Variants in ASB4 observed in about 807,000 individuals in gnomAD.
ASB4 encodes ankyrin repeat and SOCS box containing 4.
In ASB4, 35 loss-of-function variants were observed where a neutral mutation model predicts 38.6. The observed-to-expected ratio is 0.91, with a 90% CI of 0.69 to 1.20. The LOEUF (loss-of-function observed/expected upper bound fraction) is 1.20. Ranked by LOEUF, ASB4 falls within the 50% of genes most tolerant of loss-of-function variation. ASB4 has a pLI of 0.00. For synonymous variants in ASB4, 195 were observed against 201.3 expected, an observed-to-expected ratio of 0.97 and a Z score of 0.26; for missense variants, 557 against 527.2, an observed-to-expected ratio of 1.06 and a Z score of -0.55.
chr7:95,483,011 T>C (rs1790034346), upstream of ASB4, among the ~76,000 whole-genome samples: 2 of 152,224 alleles, frequency 1.3e-5, no homozygotes, highest in East Asian at 1.9e-4. Flanking sequence ...CCTAAGAAGA[T>C]GGCACAATAG....
rs1403597118 is a variant in ASB4, at chr7:95,515,355, C to T, written c.488-12458C>T. ...TTCCTTTCTTTCTTTCTTTCTTTTT[C>T]TTTCTTTCTTTTCTTTCTTTCTTTT... is the stretch of plus-strand genomic sequence containing the variant. On this transcript the variant is annotated intron_variant, in intron 2 of 4. Coordinates refer to ENST00000325885, the MANE Select transcript of ASB4 (RefSeq NM_016116.3). 2.8e-3 allele frequency among the ~76,000 whole-genome samples: 241 copies of T among 85,900 alleles called. 5 individuals carry two copies. The highest frequency in any genetic ancestry group is 1.6e-3 in the Non-Finnish European group (65 of 39,866). The allele number at this position is 85,900 out of a possible 152,430, so 56.4% of individuals were successfully genotyped here.
At chr7:95,535,751 C>A (rs1236232789) in intron 3 of ASB4, among the ~76,000 whole-genome samples, 2 of 152,154 alleles carry the variant, frequency 1.3e-5, no homozygotes, top group Non-Finnish European at 2.9e-5. Context: ...AATTTCATGT[C>A]ATCTTTCATT....
chr7:95,485,925 C>A, upstream of ASB4: 1 of 1,571,518 alleles, frequency 6.4e-7, no homozygotes, highest in African/African-American at 1.4e-5. Context: ...TTGCTCGGTG[C>A]TGTTCTCTCG....
downstream of ASB4, among the ~76,000 whole-genome samples, chr7:95,544,766 C>T (rs1791010746): frequency 1.3e-5 from 2 of 152,110 alleles, no homozygotes; most frequent in Non-Finnish European, 2.9e-5. Flanking sequence ...ACAATCTCGG[C>T]TCACTGCAAC....
intron 3 of ASB4, chr7:95,528,606 G>A (rs1325660656): frequency 7.3e-7 from 1 of 1,364,088 alleles, no homozygotes; most frequent in Non-Finnish European, 9.4e-7. Flanking sequence ...TGCCAGAAAG[G>A]TGAATAGTGT....
intron 2 of ASB4, among the ~76,000 whole-genome samples, chr7:95,503,731 C>T (rs1475533668): frequency 6.6e-6 from 1 of 152,142 alleles, no homozygotes; most frequent in Admixed American, 6.5e-5. Context: ...AGCTCAGGAC[C>T]ACAGAAGTCC....
chr7:95,529,182 T>C (rs116345752), intron 3 of ASB4, among the ~76,000 whole-genome samples: 1 of 152,310 alleles, frequency 6.6e-6, no homozygotes, highest in African/African-American at 2.4e-5. Context: ...TACAGAAATA[T>C]GGAAGAGAGT....
intron 2 of ASB4, among the ~76,000 whole-genome samples, chr7:95,512,441 G>C (rs1790496291): frequency 6.6e-6 from 1 of 152,148 alleles, no homozygotes; most frequent in African/African-American, 2.4e-5. Flanking sequence ...CTAGAAATGC[G>C]TTTCCCAAAG....
At chr7:95,537,335 G>A (rs150962920) in intron 4 of ASB4, among the ~76,000 whole-genome samples, 2 of 152,254 alleles carry the variant, frequency 1.3e-5, no homozygotes, top group African/African-American at 4.8e-5. Context: ...CTTCACACTT[G>A]CATATTTTAT....
chr7:95,532,969 T>C (rs891467938), intron 3 of ASB4, among the ~76,000 whole-genome samples: 1 of 152,234 alleles, frequency 6.6e-6, no homozygotes, highest in Non-Finnish European at 1.5e-5. Context: ...TGCTGTCTCA[T>C]GTTTCCTTTG....
upstream of ASB4, among the ~76,000 whole-genome samples, chr7:95,484,673 C>A (rs1046722238): frequency 3.3e-5 from 5 of 152,046 alleles, no homozygotes; most frequent in Admixed American, 3.3e-4. Context: ...AATTATTCTG[C>A]AGAAAGTTTG....
the ASB4 span, among the ~76,000 whole-genome samples, chr7:95,549,628 T>C: frequency 1.3e-5 from 2 of 152,086 alleles, no homozygotes; most frequent in African/African-American, 4.8e-5. Context: ...ATTTACGTTG[T>C]TCACAAGAAC....
chr7:95,537,818 C>G lies in ASB4; in HGVS notation c.*59C>G. ...TTTAAGTGGACTTGCTGGGTAGACA[C>G]AGTTTGCCTAAATAAAATGGTACTT... On this transcript the variant is annotated 3_prime_UTR_variant, in exon 5 of 5. Transcript: ENST00000325885. 1 of 1,461,356 alleles carries G rather than the reference C, an allele frequency of 6.8e-7. No homozygotes were observed. Among genetic ancestry groups the G allele is most frequent in the Non-Finnish European group, 9.4e-7 (1 of 1,067,412 alleles). 90.5% of individuals were successfully genotyped at this position (1,461,356 alleles called of 1,614,324 possible).
intron 2 of ASB4, among the ~76,000 whole-genome samples, chr7:95,503,091 A>G (rs192351191): frequency 6.4e-4 from 97 of 152,348 alleles, no homozygotes; most frequent in Admixed American, 2.7e-3. Context: ...TCAAAATAAT[A>G]TTTAAAATAT....
At chr7:95,519,277 C>G (rs1483525863) in intron 2 of ASB4, among the ~76,000 whole-genome samples, 6 of 152,120 alleles carry the variant, frequency 3.9e-5, no homozygotes. Flanking sequence ...GACAAAGAAG[C>G]AGACTTGAGA....
chr7:95,537,771 C>T lies in ASB4; in HGVS notation c.*12C>T. The T allele has an allele frequency of 1.2e-6, 2 of 1,606,744 alleles. No individual in the cohort carries two copies. The highest frequency in any genetic ancestry group is 1.7e-6 in the Non-Finnish European group (2 of 1,175,112). On this transcript the variant is annotated 3_prime_UTR_variant, in exon 5 of 5. Transcript: ENST00000325885. ...GAATTATTTATTAAGCCTTATGAGACAGCAGTTCCCAATCCTAGGTATTTA... is the reference window on the plus strand; with the variant it reads ...GAATTATTTATTAAGCCTTATGAGATAGCAGTTCCCAATCCTAGGTATTTA...
intron 3 of ASB4, among the ~76,000 whole-genome samples, chr7:95,535,637 A>C (rs557414998): frequency 6.6e-6 from 1 of 152,308 alleles, no homozygotes; most frequent in Non-Finnish European, 1.5e-5. Flanking sequence ...GTTAAAGCTA[A>C]ATCTTTCTAT....
intron 2 of ASB4, among the ~76,000 whole-genome samples, chr7:95,515,221 C>CTT (rs763779794): frequency 2.9e-4 from 32 of 111,784 alleles, no homozygotes; most frequent in African/African-American, 6.4e-4. Context: ...TTCTTTCTTT[C>CTT]TTTCTTTCTT....
intron 2 of ASB4, among the ~76,000 whole-genome samples, chr7:95,521,760 A>G (rs2116635087): frequency 6.6e-6 from 1 of 152,132 alleles, no homozygotes; most frequent in South Asian, 2.1e-4. Flanking sequence ...GTGAGATACA[A>G]TGTACGTAGT....
Sources: allele counts gnomAD v4.1 joint callset (sites outside exome capture counted in the v4.1 genomes callset), GRCh38; gene constraint gnomAD v4.1.1; transcripts MANE v1.5; gene names NCBI Gene and HGNC (gene_info 2026-07-23, HGNC 2026-07-21).